Variants in HTT observed in about 807,000 individuals in gnomAD.
HTT encodes the protein huntington disease protein.
In HTT, 104 loss-of-function variants were observed where a neutral mutation model predicts 362.3. The ratio of observed to expected loss-of-function variants is 0.29; its 90% CI spans 0.24 to 0.34. HTT has a LOEUF of 0.34. Among genes scored for constraint, HTT ranks in the 10% least tolerant of loss-of-function variants. The pLI is 1.00. For synonymous variants in HTT, 1,577 were observed against 1,548.7 expected, an observed-to-expected ratio of 1.02 and a Z score of -0.43; for missense variants, 3,301 against 3,928.6, an observed-to-expected ratio of 0.84 and a Z score of 4.27.
At chr4:3,210,963 C>T (rs112079228) in intron 47 of HTT, among the ~76,000 whole-genome samples, 3 of 137,276 alleles carry the variant, frequency 2.2e-5, no homozygotes, top group Admixed American at 7.8e-5. Flanking sequence ...AGTGCAATGG[C>T]GCTATCTTGG....
intron 27 of HTT, among the ~76,000 whole-genome samples, chr4:3,154,989 T>G (rs1297549809): frequency 6.6e-6 from 1 of 151,858 alleles, no homozygotes; most frequent in African/African-American, 2.4e-5. Flanking sequence ...GTTTATTGAA[T>G]TCCCATCCAT....
intron 38 of HTT, among the ~76,000 whole-genome samples, chr4:3,187,148 C>G (rs941088262): frequency 6.8e-6 from 1 of 148,072 alleles, no homozygotes; most frequent in Non-Finnish European, 1.5e-5. Context: ...CGTGAGCCAC[C>G]GCACCCGGCC....
rs778679746 is a variant in HTT, at chr4:3,199,708, A to G, written c.5369-24A>G. The G allele has an allele frequency of 3.1e-6, 5 of 1,607,688 alleles. 1 individual carries two copies. In the South Asian group the frequency reaches 5.5e-5, roughly 18 times the overall value. ...ACTGGACCGAGATGAAAGCAAAGAC[A>G]TTTCTCCTTAACTTTGTTTCTAGGA... On this transcript the variant is annotated intron_variant, in intron 40 of 66. Transcript: ENST00000355072.
chr4:3,213,402 G>C (rs1720254297), intron 49 of HTT, among the ~76,000 whole-genome samples: 1 of 152,246 alleles, frequency 6.6e-6, no homozygotes, highest in African/African-American at 2.4e-5. Context: ...TGTGCCTGCT[G>C]TATGCAGGAT....
intron 8 of HTT, among the ~76,000 whole-genome samples, chr4:3,119,220 T>C (rs1715176451): frequency 6.6e-6 from 1 of 152,148 alleles, no homozygotes; most frequent in South Asian, 2.1e-4. Flanking sequence ...TTTAAGAAGC[T>C]GGGCAGAGGG....
chr4:3,181,849 G>A (rs962508685), intron 36 of HTT, among the ~76,000 whole-genome samples: 1 of 152,146 alleles, frequency 6.6e-6, no homozygotes, highest in African/African-American at 2.4e-5. Flanking sequence ...CTCTGGATAT[G>A]TCTGTTTAGA....
chr4:3,148,295 T>C (rs914450563), intron 26 of HTT, 88 bp downstream of exon 26: 10 of 992,636 alleles, frequency 1.0e-5, no homozygotes, highest in Non-Finnish European at 1.3e-5. Flanking sequence ...GTCCCTTCTT[T>C]ATTCTCTTTT....
rs772777605 is a variant in HTT, at chr4:3,224,094, A to G, written c.7728A>G (p.Ala2576=). ...ENIATHHLYQ[A]WDPVPSLSPA... Reference sequence around the variant, plus strand: ...TTGCCACCCATCATTTATATCAGGCATGGGATCCTGTCCCTTCTCTGTCTC... The same window carrying G: ...TTGCCACCCATCATTTATATCAGGCGTGGGATCCTGTCCCTTCTCTGTCTC... Residue 2576 remains alanine, a synonymous_variant, in exon 56 of 67, where the codon GCA becomes GCG. Coordinates refer to ENST00000355072, the MANE Select transcript of HTT (RefSeq NM_001388492.1). 2.5e-6 allele frequency: 4 copies of G among 1,614,142 alleles called. No homozygotes were observed. The South Asian group carries it at 3.3e-5, about 13-fold the overall frequency.
Position 3,182,434 on chromosome 4 carries a change from A to C in HTT, c.4830A>C (p.Ile1610=), listed in dbSNP as rs1308476062. 2 of 1,613,946 alleles carry C rather than the reference A, an allele frequency of 1.2e-6. No individual in the cohort carries two copies. Among genetic ancestry groups the C allele is most frequent in the Admixed American group, 3.3e-5 (2 of 60,026 alleles). ...AGTGGAAGCGACTGTCTCGACAGAT[A>C]GCTGACATCATCCTCCCAATGTTAG... ...EDKWKRLSRQ[I]ADIILPMLAK... Residue 1610 remains isoleucine (I), a synonymous_variant, in exon 37 of 67, where the codon ATA becomes ATC. Transcript: ENST00000355072.
At position 3,074,930 on chromosome 4, in the gene HTT, G is replaced by GC. The variant is rs1712408160; in HGVS notation, c.106dup (p.Gln36ProfsTer47). On this transcript the variant is annotated frameshift_variant, in exon 1 of 67. Coordinates refer to ENST00000355072, the MANE Select transcript of HTT (RefSeq NM_001388492.1). LOFTEE classifies it high-confidence loss of function. ...AGCAGCAGCAGCAGCAGCAGCAGCA[G>GC]CAGCAACAGCCGCCACCGCCGCCGC... 16 of 1,302,662 alleles carry GC rather than the reference G, an allele frequency of 1.2e-5. No homozygotes were observed. The highest frequency in any genetic ancestry group is 2.8e-4 in the Middle Eastern group (1 of 3,552). The allele number at this position is 1,302,662 out of a possible 1,614,324, so 80.7% of individuals were successfully genotyped here. A position where few individuals can be genotyped will look rare whatever the true frequency, so the allele number is the denominator to read the frequency against.
chr4:3,113,328 A>G (rs1714857293), intron 6 of HTT, among the ~76,000 whole-genome samples: 1 of 151,842 alleles, frequency 6.6e-6, no homozygotes, highest in South Asian at 2.1e-4. Context: ...GACTCATACA[A>G]TGATTTTTTT....
Position 3,135,907 on chromosome 4 carries a change from G to C in HTT, c.2637G>C (p.Leu879=). ...GTTAAATGTGCTCTTTTGTTAGGCT[G>C]GTGAGCTTTTTGGAGGCAAAAGCAG... The part of the protein sequence containing the change: ...LETLAEIDFR[L]VSFLEAKAEN... Residue 879 remains leucine (L), a synonymous_variant, in exon 20 of 67, where the codon CTG becomes CTC. Coordinates refer to ENST00000355072, the MANE Select transcript of HTT (RefSeq NM_001388492.1). The C allele has an allele frequency of 6.2e-7, 1 of 1,601,448 alleles. No individual in the cohort carries two copies. The highest frequency in any genetic ancestry group is 2.3e-5 in the East Asian group (1 of 44,292).
chr4:3,237,106 C>T (rs766890232), intron 64 of HTT, among the ~76,000 whole-genome samples: 14 of 151,850 alleles, frequency 9.2e-5, no homozygotes, highest in Non-Finnish European at 2.9e-5. Context: ...GGAGTTTTTC[C>T]CTTGTCACCC....
chr4:3,189,815 A>G (rs1718930124), intron 40 of HTT, among the ~76,000 whole-genome samples: 1 of 152,190 alleles, frequency 6.6e-6, no homozygotes, highest in African/African-American at 2.4e-5. Flanking sequence ...GCTTGAGCCA[A>G]GGAGTTTGAG....
At chr4:3,204,243 G>A (rs1383585950) in intron 42 of HTT, 95 bp downstream of exon 42, 8 of 1,250,568 alleles carry the variant, frequency 6.4e-6, no homozygotes, top group Admixed American at 1.9e-5. Context: ...CTGGAACCCA[G>A]ACCGCCCGGT....
intron 64 of HTT, among the ~76,000 whole-genome samples, 169 bp downstream of exon 64, chr4:3,236,423 A>T (rs1483948790): frequency 2.0e-5 from 3 of 152,196 alleles, no homozygotes; most frequent in African/African-American, 7.2e-5. Flanking sequence ...TCCACTGGCG[A>T]GCTGGTGGTC....
At chr4:3,098,402 A>G (rs2110154512) in intron 2 of HTT, among the ~76,000 whole-genome samples, 1 of 152,356 alleles carries the variant, frequency 6.6e-6, no homozygotes, top group South Asian at 2.1e-4. Flanking sequence ...GATTGGGATC[A>G]TGAAAGAGCA....
chr4:3,236,027 G>T, intron 63 of HTT, 122 bp from the exon 64 acceptor site: 1 of 805,826 alleles, frequency 1.2e-6, no homozygotes. Context: ...GGCAAGCAAG[G>T]GGCTGATATC....
chr4:3,136,744 A>G (rs1244545865), intron 21 of HTT, among the ~76,000 whole-genome samples: 2 of 152,182 alleles, frequency 1.3e-5, no homozygotes, highest in Non-Finnish European at 2.9e-5. Flanking sequence ...ATATTTTATT[A>G]GCATTTTCCT....
Sources: allele counts gnomAD v4.1 joint callset (sites outside exome capture counted in the v4.1 genomes callset), GRCh38; gene constraint gnomAD v4.1.1; transcripts MANE v1.5; gene names NCBI Gene and HGNC (gene_info 2026-07-23, HGNC 2026-07-21).